POLR1G: variants seen among roughly 807,000 people sequenced by gnomAD.
POLR1G encodes the protein DNA-directed RNA polymerase I subunit RPA34.
A neutral mutation model predicts 6.3 loss-of-function variants in POLR1G; 9 were observed. The ratio of observed to expected loss-of-function variants is 1.44; its 90% CI spans 0.87 to 2.51. POLR1G has a LOEUF of 2.51. Among genes scored for constraint, POLR1G ranks in the 30% most tolerant of loss-of-function variants. The pLI, the probability that POLR1G is intolerant of heterozygous loss-of-function variation, is 0.00. For synonymous variants in POLR1G, 248 were observed against 256.5 expected (o/e 0.97, Z 0.32); for missense variants, 617 against 632.5 (o/e 0.98, Z 0.26).
chr19:45,409,284 A>G lies in POLR1G; in HGVS notation c.1316A>G (p.Gln439Arg). 2 of 1,614,122 alleles carry G rather than the reference A, an allele frequency of 1.2e-6. No individual in the cohort carries two copies. The highest frequency in any genetic ancestry group is 1.7e-6 in the Non-Finnish European group (2 of 1,180,014). Reference protein sequence around the residue: ...ERGHTVTEPIQPLEPELPGEG... With the variant: ...ERGHTVTEPIRPLEPELPGEG... ...GGTCACACAGTGACTGAGCCAATTC[A>G]GCCACTAGAGCCTGAACTGCCAGGG... Residue 439 changes from glutamine to arginine, a missense_variant, in exon 3 of 3, where the codon CAG (glutamine) becomes CGG (arginine). Gln to Arg is a conservative substitution (Grantham distance 43, BLOSUM62 1). Coordinates refer to ENST00000309424, the MANE Select transcript of POLR1G (RefSeq NM_012099.3).
rs1271770191 is a variant in POLR1G at position 45,409,623 on chromosome 19, C to T, written c.*122C>T. On this transcript the variant is annotated 3_prime_UTR_variant, in exon 3 of 3. Transcript: ENST00000309424. ...CCAGCGCAGCCAGCAGGAGCCTGGC[C>T]TGGGAGGACGATTTATTATTACACT... The T allele has an allele frequency of 7.7e-6, 12 of 1,550,174 alleles. No homozygotes were observed. Among genetic ancestry groups the T allele is most frequent in the Non-Finnish European group, 9.8e-6 (11 of 1,127,966 alleles).
Position 45,408,581 on chromosome 19 carries a change from T to C in POLR1G, c.613T>C (p.Ser205Pro). ...CCTGGAGGTGGACATGGCTTTGGGG[T>C]CGCCAGAAATGGATGTGCGGAAGAA... ...GALEVDMALG[S>P]PEMDVRKKKK... Residue 205 changes from serine to proline, a missense_variant, in exon 3 of 3, where the codon TCG becomes CCG. By Grantham distance (74) the Ser-to-Pro change is moderately conservative. Transcript: ENST00000309424. The C allele has an allele frequency of 6.2e-7, 1 of 1,611,958 alleles. No individual in the cohort carries two copies. Among genetic ancestry groups the C allele is most frequent in the East Asian group, 2.2e-5 (1 of 44,760 alleles).
chr19:45,408,949 G>A lies in POLR1G; in HGVS notation c.981G>A (p.Thr327=), dbSNP rs767394181. The A allele has an allele frequency of 4.3e-5, 69 of 1,614,030 alleles. No homozygotes were observed. The highest frequency in any genetic ancestry group is 2.5e-4 in the South Asian group (23 of 91,084). The change falls in exon 3 of 3, where the codon ACG becomes ACA. Residue 327 remains threonine (T), a synonymous_variant. Transcript: ENST00000309424. ...AGGAAGCCATCCCTCTGCCCCCTACGAAGAAGAGGAAAAAAGAAAAGGGAC... is the reference window on the plus strand; with the variant it reads ...AGGAAGCCATCCCTCTGCCCCCTACAAAGAAGAGGAAAAAAGAAAAGGGAC... ...PLEEAIPLPP[T]KKRKKEKGQM... is the part of the protein sequence containing the mutation.
intron 2 of POLR1G, 69 bp from the exon 3 acceptor site, chr19:45,408,064 A>C (rs77052728): frequency 1.3e-6 from 2 of 1,504,712 alleles, no homozygotes; most frequent in Non-Finnish European, 1.8e-6. Flanking sequence ...AAAAAAACAA[A>C]AAAAAAATCA....
chr19:45,408,910 G>A lies in POLR1G; in HGVS notation c.942G>A (p.Lys314=), dbSNP rs1193527878. 3 of 1,614,130 alleles carry A rather than the reference G, an allele frequency of 1.9e-6. No homozygotes were observed. Among genetic ancestry groups the A allele is most frequent in the East Asian group, 2.2e-5 (1 of 44,880 alleles). ...GVTVESQPQV[K]VEPLEEAIPL... ...CAGTTGAGTCTCAGCCACAGGTGAA[G>A]GTGGAGCCACTGGAGGAAGCCATCC... The change falls in exon 3 of 3, where the codon AAG becomes AAA. Residue 314 remains lysine, a synonymous_variant. Transcript: ENST00000309424.
In POLR1G at chr19:45,409,899, T is replaced by TATTA. The variant is rs201059197; in HGVS notation, c.*398_*399insATTA. Reference sequence around the variant, plus strand: ...TAAGTTATTATTATTATTATTATTTTTTTTTTTTTTGAGATGGAGTCTCGC... The same window carrying TATTA: ...TAAGTTATTATTATTATTATTATTTTATTATTTTTTTTTTGAGATGGAGTCTCGC... On this transcript the variant is annotated 3_prime_UTR_variant, in exon 3 of 3. Transcript: ENST00000309424. The TATTA allele has an allele frequency of 0.048, 12,363 of 258,848 alleles. 799 individuals are homozygous for TATTA. The highest frequency in any genetic ancestry group is 0.16 in the Admixed American group (2,696 of 17,098). The allele number at this position is 258,848 out of a possible 1,614,324, so 16.0% of individuals were successfully genotyped here.
At position 45,408,481 on chromosome 19, in the gene POLR1G, C is replaced by G. The variant is rs1189511449; in HGVS notation, c.513C>G (p.Thr171=). ...PRSALAPNLL[T]SGKKKKEMQV... ...CAGCCTTGGCCCCCAACCTGCTCAC[C>G]TCAGGGAAGAAGAAAAAGGAGATGC... The change falls in exon 3 of 3, where the codon ACC becomes ACG. Residue 171 remains threonine, a synonymous_variant. Transcript: ENST00000309424. 1 of 1,614,004 alleles carries G rather than the reference C, an allele frequency of 6.2e-7. No individual in the cohort carries two copies. Among genetic ancestry groups the G allele is most frequent in the Non-Finnish European group, 8.5e-7 (1 of 1,179,992 alleles).
chr19:45,407,038 G>C, intron 1 of POLR1G, 56 bp from the exon 2 acceptor site: 1 of 1,552,134 alleles, frequency 6.4e-7, no homozygotes, highest in South Asian at 1.2e-5. Flanking sequence ...GGCGCGCCCT[G>C]CAAGATTGGA....
In POLR1G at chr19:45,410,595, G is replaced by GTGTGTGTGTGTGTA. The variant is rs1217275152; in HGVS notation, c.*1096_*1097insTGTGTGTGTGTATG. The GTGTGTGTGTGTGTA allele has an allele frequency of 3.3e-5, 5 of 151,660 alleles. No individual in the cohort carries two copies. The highest frequency in any genetic ancestry group is 2.1e-4 in the South Asian group (1 of 4,794). The allele number at this position is 151,660 out of a possible 1,614,324, so 9.4% of individuals were successfully genotyped here. On this transcript the variant is annotated 3_prime_UTR_variant, in exon 3 of 3. Coordinates refer to ENST00000309424, the MANE Select transcript of POLR1G (RefSeq NM_012099.3). ...TGTGTGTGTGTGTGTGTGTGTGTGTGTGGTACCCATTAACCTTCCCCATCT... is the reference window on the plus strand; with the variant it reads ...TGTGTGTGTGTGTGTGTGTGTGTGTGTGTGTGTGTGTGTATGGTACCCATTAACCTTCCCCATCT...
chr19:45,409,177 G>A lies in POLR1G; in HGVS notation c.1209G>A (p.Val403=). 1 of 1,613,520 alleles carries A rather than the reference G, an allele frequency of 6.2e-7. No homozygotes were observed. Among genetic ancestry groups the A allele is most frequent in the Non-Finnish European group, 8.5e-7 (1 of 1,179,694 alleles). The part of the protein sequence containing the change: ...QDATVEPETE[V]VGPELPDDLE... ...CCACAGTGGAGCCAGAGACAGAGGT[G>A]GTGGGGCCTGAGCTGCCGGATGACC... Residue 403 remains valine, a synonymous_variant, in exon 3 of 3, where the codon GTG becomes GTA. Transcript: ENST00000309424.
At position 45,410,240 on chromosome 19, in the gene POLR1G, G is replaced by C. The variant is rs2123445018; in HGVS notation, c.*739G>C. ...CTGGTGTCACCCAGGCTGGAGTGCAGTGGTGTGATCTTGGCTCACTGCAAC... is the reference window on the plus strand; with the variant it reads ...CTGGTGTCACCCAGGCTGGAGTGCACTGGTGTGATCTTGGCTCACTGCAAC... On this transcript the variant is annotated 3_prime_UTR_variant, in exon 3 of 3. Transcript: ENST00000309424. The C allele has an allele frequency of 6.5e-6, 1 of 152,760 alleles. No individual in the cohort carries two copies. The highest frequency in any genetic ancestry group is 1.9e-4 in the East Asian group (1 of 5,196). The allele number at this position is 152,760 out of a possible 1,614,324, so 9.5% of individuals were successfully genotyped here. A position where few individuals can be genotyped will look rare whatever the true frequency, so the allele number is the denominator to read the frequency against.
chr19:45,409,680 G>A lies in POLR1G; in HGVS notation c.*179G>A, dbSNP rs968270019. On this transcript the variant is annotated 3_prime_UTR_variant, in exon 3 of 3. Transcript: ENST00000309424. ...TTCCTTGGCAGCTGGGGTCATCAGG[G>A]TACTTTCAAGAAGGGCTCGTGCAGG... is the stretch of plus-strand genomic sequence containing the variant. 20 of 1,153,246 alleles carry A rather than the reference G, an allele frequency of 1.7e-5. No individual in the cohort carries two copies. The highest frequency in any genetic ancestry group is 2.5e-5 in the Non-Finnish European group (19 of 759,646). 71.4% of individuals were successfully genotyped at this position (1,153,246 alleles called of 1,614,324 possible).
At position 45,408,565 on chromosome 19, in the gene POLR1G, G is replaced by A. The variant is rs776093179; in HGVS notation, c.597G>A (p.Val199=). 6.2e-7 allele frequency: 1 copy of A among 1,613,962 alleles called. No homozygotes were observed. Among genetic ancestry groups the A allele is most frequent in the East Asian group, 2.2e-5 (1 of 44,878 alleles). ...EAVNGHGALE[V]DMALGSPEMD... is the part of the protein sequence containing the mutation. ...TGAATGGGCACGGGGCCCTGGAGGT[G>A]GACATGGCTTTGGGGTCGCCAGAAA... Residue 199 remains valine (V), a synonymous_variant, in exon 3 of 3, where the codon GTG becomes GTA. Coordinates refer to ENST00000309424, the MANE Select transcript of POLR1G (RefSeq NM_012099.3).
Position 45,408,955 on chromosome 19 carries a change from G to A in POLR1G, c.987G>A (p.Lys329=), listed in dbSNP as rs371868030. 4 of 1,614,032 alleles carry A rather than the reference G, an allele frequency of 2.5e-6. No individual in the cohort carries two copies. The highest frequency in any genetic ancestry group is 1.3e-5 in the African/African-American group (1 of 75,016). The stretch of plus-strand genomic sequence containing the variant: ...CCATCCCTCTGCCCCCTACGAAGAA[G>A]AGGAAAAAAGAAAAGGGACAGATGG... ...EEAIPLPPTK[K]RKKEKGQMAM... is the part of the protein sequence containing the mutation. The change falls in exon 3 of 3, where the codon AAG becomes AAA. Residue 329 remains lysine (K), a synonymous_variant. Coordinates refer to ENST00000309424, the MANE Select transcript of POLR1G (RefSeq NM_012099.3).
In POLR1G at chr19:45,408,720, A is replaced by G. The variant is rs968900148; in HGVS notation, c.752A>G (p.Lys251Arg). The change falls in exon 3 of 3, where the codon AAG (lysine) becomes AGG (arginine). Residue 251 changes from lysine (K) to arginine (R), a missense_variant. Coordinates refer to ENST00000309424, the MANE Select transcript of POLR1G (RefSeq NM_012099.3). ...GGAGTGCTGTTCCCGTCCACCACCA[A>G]GAAGAGGAAGAAGCCCAAAGGGAAA... is the stretch of plus-strand genomic sequence containing the variant. ...PLGVLFPSTT[K>R]KRKKPKGKET... 15 of 1,613,916 alleles carry G rather than the reference A, an allele frequency of 9.3e-6. No homozygotes were observed. The Admixed American group carries it at 2.3e-4, about 25-fold the overall frequency.
rs771033441 is a variant in POLR1G, at chr19:45,408,407, C to G, written c.439C>G (p.Pro147Ala). 1 of 1,613,418 alleles carries G rather than the reference C, an allele frequency of 6.2e-7. No individual in the cohort carries two copies. Among genetic ancestry groups the G allele is most frequent in the Non-Finnish European group, 8.5e-7 (1 of 1,179,732 alleles). Residue 147 changes from proline to alanine, a missense_variant, in exon 3 of 3, where the codon CCT (proline) becomes GCT (alanine). Pro to Ala is a conservative substitution (Grantham distance 27). Transcript: ENST00000309424. ...ACCACAGATCCCTCCTGGCCTGAGG[C>G]CTCGGTTCTGTGCCTTTGGGGGCAA... ...PPPQIPPGLRPRFCAFGGNPP... is the reference protein window; with the variant it reads ...PPPQIPPGLRARFCAFGGNPP...
Position 45,409,594 on chromosome 19 carries a change from T to C in POLR1G, c.*93T>C. Reference sequence around the variant, plus strand: ...ACCCCCAGAATCCCTCCCCAGAGACTGCACCAGCGCAGCCAGCAGGAGCCT... The same window carrying C: ...ACCCCCAGAATCCCTCCCCAGAGACCGCACCAGCGCAGCCAGCAGGAGCCT... On this transcript the variant is annotated 3_prime_UTR_variant, in exon 3 of 3. Coordinates refer to ENST00000309424, the MANE Select transcript of POLR1G (RefSeq NM_012099.3). 6.3e-7 allele frequency: 1 copy of C among 1,579,606 alleles called. No homozygotes were observed. Among genetic ancestry groups the C allele is most frequent in the African/African-American group, 1.3e-5 (1 of 74,466 alleles).
rs1568573890 is a variant in POLR1G, at chr19:45,410,562, T to C, written c.*1061T>C. 1 of 141,954 alleles carries C rather than the reference T, an allele frequency of 7.0e-6. No homozygotes were observed. The highest frequency in any genetic ancestry group is 1.5e-5 in the Non-Finnish European group (1 of 66,570). 8.8% of individuals were successfully genotyped at this position (141,954 alleles called of 1,614,324 possible). A position where few individuals can be genotyped will look rare whatever the true frequency, so the allele number is the denominator to read the frequency against. ...CAAATAGTATGTCTTATTCATTCTT[T>C]CTTTGTGTGTGTGTGTGTGTGTGTG... On this transcript the variant is annotated 3_prime_UTR_variant, in exon 3 of 3. Transcript: ENST00000309424.
At position 45,408,727 on chromosome 19, in the gene POLR1G, G is replaced by A. The variant is rs1973500183; in HGVS notation, c.759G>A (p.Arg253=). The A allele has an allele frequency of 1.9e-6, 3 of 1,614,002 alleles. No individual in the cohort carries two copies. The highest frequency in any genetic ancestry group is 2.5e-6 in the Non-Finnish European group (3 of 1,180,006). ...TGTTCCCGTCCACCACCAAGAAGAG[G>A]AAGAAGCCCAAAGGGAAAGAAACCT... is the stretch of plus-strand genomic sequence containing the variant. The part of the protein sequence containing the change: ...GVLFPSTTKK[R]KKPKGKETFE... The change falls in exon 3 of 3, where the codon AGG becomes AGA. Residue 253 remains arginine (R), a synonymous_variant. Transcript: ENST00000309424.
Sources: allele counts gnomAD v4.1 joint callset, GRCh38; gene constraint gnomAD v4.1.1; transcripts MANE v1.5; gene names NCBI Gene and HGNC (gene_info 2026-07-23, HGNC 2026-07-21).